LRRC8B: variants seen among roughly 807,000 people sequenced by gnomAD.
The protein encoded by LRRC8B is leucine rich repeat containing 8 VRAC subunit B.
In LRRC8B, 23 loss-of-function variants were observed where a neutral mutation model predicts 58.8. That is an observed-to-expected ratio of 0.39 (90% CI 0.28 to 0.55). The LOEUF is 0.55. LRRC8B is among the 20% of genes least tolerant of loss of function. The pLI is 0.62. For missense variants in LRRC8B, 694 were observed against 936.0 expected (o/e 0.74, Z 3.37); for synonymous variants, 359 against 374.1 (o/e 0.96, Z 0.47).
intron 1 of LRRC8B, among the ~76,000 whole-genome samples, chr1:89,541,960 G>T (rs899299010): frequency 6.6e-6 from 1 of 152,016 alleles, no homozygotes; most frequent in African/African-American, 2.4e-5. Flanking sequence ...TTGATATAAT[G>T]TACAAATTAT....
intron 1 of LRRC8B, among the ~76,000 whole-genome samples, chr1:89,533,956 A>G (rs1374197418): frequency 1.3e-5 from 2 of 152,250 alleles, no homozygotes; most frequent in African/African-American, 4.8e-5. Context: ...TACTTTGTCT[A>G]TGAGCTAGTG....
At chr1:89,560,066 T>TTC (rs1375469057) in intron 1 of LRRC8B, among the ~76,000 whole-genome samples, 2 of 152,206 alleles carry the variant, frequency 1.3e-5, no homozygotes, top group Non-Finnish European at 2.9e-5. Flanking sequence ...CAATCATTTG[T>TTC]TCTCTCTAAC....
intron 1 of LRRC8B, among the ~76,000 whole-genome samples, chr1:89,561,905 A>ACC (rs1652686892): frequency 2.6e-5 from 4 of 152,046 alleles, no homozygotes; most frequent in Non-Finnish European, 4.4e-5. Flanking sequence ...TTTATCTTTT[A>ACC]ATATGTTTGT....
chr1:89,566,855 G>A (rs1653076761), intron 1 of LRRC8B, among the ~76,000 whole-genome samples: 1 of 152,102 alleles, frequency 6.6e-6, no homozygotes, highest in Non-Finnish European at 1.5e-5. Context: ...TCCTTGGTTG[G>A]GAGCCTTCCT....
At chr1:89,532,376 T>A (rs1460109482) in intron 1 of LRRC8B, among the ~76,000 whole-genome samples, 1 of 152,178 alleles carries the variant, frequency 6.6e-6, no homozygotes, top group African/African-American at 2.4e-5. Flanking sequence ...AGTGGGTGAA[T>A]AATATTACCT....
intron 1 of LRRC8B, among the ~76,000 whole-genome samples, chr1:89,531,116 A>G (rs1363337066): frequency 6.6e-6 from 1 of 152,194 alleles, no homozygotes; most frequent in Non-Finnish European, 1.5e-5. Flanking sequence ...TAAAGATTTT[A>G]AGTTCATTTC....
intron 1 of LRRC8B, among the ~76,000 whole-genome samples, chr1:89,529,944 A>G (rs1390535093): frequency 6.6e-6 from 1 of 152,044 alleles, no homozygotes; most frequent in East Asian, 1.9e-4. Context: ...ATGATGAGCA[A>G]AAATGCACAT....
At chr1:89,558,823 C>T (rs1440017946) in intron 1 of LRRC8B, 1 of 152,196 alleles carries the variant, frequency 6.6e-6, no homozygotes, top group Non-Finnish European at 1.5e-5. Context: ...CTTACCCCTT[C>T]AAGCCCTTTT....
intron 1 of LRRC8B, among the ~76,000 whole-genome samples, chr1:89,527,902 A>T (rs1649820839): frequency 6.6e-6 from 1 of 152,160 alleles, no homozygotes; most frequent in Non-Finnish European, 1.5e-5. Flanking sequence ...TTAGGATTCT[A>T]CTCAATTGCC....
At chr1:89,571,628 G>A (rs1653482114) in intron 3 of LRRC8B, among the ~76,000 whole-genome samples, 2 of 152,270 alleles carry the variant, frequency 1.3e-5, no homozygotes, top group East Asian at 1.9e-4. Flanking sequence ...ATAAAACCAC[G>A]ACATCACAAA....
At chr1:89,543,641 A>C (rs1425021153) in intron 1 of LRRC8B, among the ~76,000 whole-genome samples, 1 of 151,540 alleles carries the variant, frequency 6.6e-6, no homozygotes, top group Non-Finnish European at 1.5e-5. Flanking sequence ...GAGTACAGGC[A>C]CATGCCAGCA....
At chr1:89,569,352 A>G (rs1653269482) in intron 3 of LRRC8B, among the ~76,000 whole-genome samples, 1 of 152,038 alleles carries the variant, frequency 6.6e-6, no homozygotes, top group Non-Finnish European at 1.5e-5. Context: ...ACATGATCAG[A>G]TTTGTTATAA....
chr1:89,584,282 C>T lies in LRRC8B; in HGVS notation c.1632C>T (p.Tyr544=), dbSNP rs1654467407. 6.2e-7 allele frequency: 1 copy of T among 1,613,846 alleles called. No homozygotes were observed. The highest frequency in any genetic ancestry group is 1.1e-5 in the South Asian group (1 of 91,084). ...ACTTAAAAAATCTAAGGACCCTGTA[C>T]TTGAAGAGCAGCCTCTCCCGGATCC... ...FQDLKNLRTL[Y]LKSSLSRIPQ... is the part of the protein sequence containing the mutation. Residue 544 remains tyrosine, a synonymous_variant, in exon 5 of 6, where the codon TAC becomes TAT. Coordinates refer to ENST00000330947, the MANE Select transcript of LRRC8B (RefSeq NM_001369817.2).
intron 1 of LRRC8B, among the ~76,000 whole-genome samples, chr1:89,559,627 TATAC>T (rs1319256479): frequency 6.7e-4 from 92 of 137,314 alleles, no homozygotes; most frequent in Middle Eastern, 3.6e-3. Context: ...TATATATATA[TATAC>T]ACACACACAC....
At chr1:89,585,817 AAAG>A (rs1654584958) in intron 5 of LRRC8B, among the ~76,000 whole-genome samples, 1 of 151,048 alleles carries the variant, frequency 6.6e-6, no homozygotes, top group African/African-American at 2.5e-5. Context: ...CTCAAAAAAA[AAAG>A]AAAGAAAGAA....
chr1:89,546,695 C>CA (rs1651429732), intron 1 of LRRC8B, among the ~76,000 whole-genome samples: 1 of 152,214 alleles, frequency 6.6e-6, no homozygotes. Context: ...GCATCTGACT[C>CA]AACCTCCTGG....
At chr1:89,529,002 TA>T (rs34402953) in intron 1 of LRRC8B, among the ~76,000 whole-genome samples, 3,688 of 152,036 alleles carry the variant, frequency 0.024, 149 homozygotes, top group African/African-American at 0.084. Context: ...CCTAGCTAAA[TA>T]AAAAAAAGTG....
rs796731406 is a variant in LRRC8B at position 89,587,407 on chromosome 1, G to A, written c.2139+2618G>A. Among the ~76,000 whole-genome samples, 6 of 152,214 alleles carry A rather than the reference G, an allele frequency of 3.9e-5. No homozygotes were observed. The South Asian group carries it at 1.0e-3, about 26-fold the overall frequency. ...AAATTAGCCGGGCATGGTGGCACGC[G>A]CCTGTAGTCCCAGCTACTTAGGAAG... On this transcript the variant is annotated intron_variant, in intron 5 of 5. Coordinates refer to ENST00000330947, the MANE Select transcript of LRRC8B (RefSeq NM_001369817.2).
chr1:89,565,384 A>G (rs1032996591), intron 1 of LRRC8B, among the ~76,000 whole-genome samples: 3 of 110,880 alleles, frequency 2.7e-5, no homozygotes, highest in Admixed American at 1.8e-4. Context: ...ACTCTCAGTC[A>G]TTATAATGCA....
Sources: gnomAD v4.1 joint callset for allele counts (sites outside exome capture counted in the v4.1 genomes callset) on GRCh38, gnomAD v4.1.1 for gene constraint, MANE v1.5 for transcripts, NCBI Gene and HGNC (gene_info 2026-07-23, HGNC 2026-07-21) for gene names.